OXR1: variants seen among roughly 807,000 people sequenced by gnomAD.
The protein encoded by OXR1 is oxidation resistance protein 1.
Under a neutral mutation model 104.6 loss-of-function variants are expected in OXR1, and 41 were observed. The observed-to-expected ratio is 0.39, with a 90% CI of 0.31 to 0.51. OXR1 has a LOEUF of 0.51. Ranked by LOEUF, OXR1 falls within the 20% of genes least tolerant of loss-of-function variation. OXR1 has a pLI of 0.77. For synonymous variants in OXR1, 348 were observed against 348.4 expected (o/e 1.00, Z 0.01); for missense variants, 955 against 1,031.9 (o/e 0.93, Z 1.02).
intron 9 of OXR1, among the ~76,000 whole-genome samples, chr8:106,710,323 T>C (rs2131392980): frequency 6.6e-6 from 1 of 151,826 alleles, no homozygotes; most frequent in Admixed American, 6.6e-5. Context: ...TATATATGAT[T>C]GCTTTAGTAT....
chr8:106,481,198 C>T (rs145141502), intron 2 of OXR1, among the ~76,000 whole-genome samples: 4 of 152,022 alleles, frequency 2.6e-5, no homozygotes, highest in South Asian at 4.1e-4. Flanking sequence ...ATAGTTGGGC[C>T]GTTGTCACAC....
intron 4 of OXR1, among the ~76,000 whole-genome samples, chr8:106,680,348 C>A (rs1250657722): frequency 6.6e-6 from 1 of 152,022 alleles, no homozygotes; most frequent in Non-Finnish European, 1.5e-5. Flanking sequence ...CTTTACAATT[C>A]TGCAGTGCCA....
chr8:106,661,948 C>T (rs1216863453), intron 3 of OXR1, among the ~76,000 whole-genome samples: 5 of 152,156 alleles, frequency 3.3e-5, no homozygotes, highest in Non-Finnish European at 4.4e-5. Context: ...TGCATTAACT[C>T]CTCTGATGTT....
intron 2 of OXR1, among the ~76,000 whole-genome samples, chr8:106,462,695 C>A (rs555774244): frequency 2.4e-3 from 364 of 152,140 alleles, no homozygotes; most frequent in African/African-American, 8.2e-3. Context: ...AAACATTTGC[C>A]AGAAAGCACT....
intron 3 of OXR1, among the ~76,000 whole-genome samples, chr8:106,633,192 A>G (rs555086366): frequency 6.6e-6 from 1 of 152,252 alleles, no homozygotes; most frequent in South Asian, 2.1e-4. Flanking sequence ...AGATTGCGCC[A>G]CTGCACTCCA....
chr8:106,659,263 C>T (rs1825500224), intron 3 of OXR1, among the ~76,000 whole-genome samples: 1 of 152,106 alleles, frequency 6.6e-6, no homozygotes, highest in Non-Finnish European at 1.5e-5. Context: ...TGGGCCCTGC[C>T]AGTTGTTTTA....
At chr8:106,613,517 T>C (rs902588582) in intron 3 of OXR1, among the ~76,000 whole-genome samples, 4 of 152,170 alleles carry the variant, frequency 2.6e-5, no homozygotes, top group Non-Finnish European at 4.4e-5. Flanking sequence ...TCCTACCTCA[T>C]TCTCCCAAGT....
chr8:106,668,454 A>G (rs530744663), intron 3 of OXR1, among the ~76,000 whole-genome samples: 24 of 152,310 alleles, frequency 1.6e-4, no homozygotes, highest in Admixed American at 9.8e-4. Flanking sequence ...ACATGTGTCT[A>G]TGTGGAATAA....
intron 11 of OXR1, chr8:106,726,385 T>A: frequency 1.2e-6 from 1 of 801,236 alleles, no homozygotes. Context: ...ATTATACAAT[T>A]TCTGAAAGTT....
chr8:106,423,672 T>A (rs764077611), intron 2 of OXR1, among the ~76,000 whole-genome samples: 10 of 152,110 alleles, frequency 6.6e-5, no homozygotes, highest in Non-Finnish European at 1.3e-4. Context: ...AGAGAAAAAA[T>A]TGGCTTGGTT....
chr8:106,325,909 G>A (rs2130198697), intron 1 of OXR1, among the ~76,000 whole-genome samples: 1 of 152,292 alleles, frequency 6.6e-6, no homozygotes, highest in South Asian at 2.1e-4. Context: ...TTGAGGATCT[G>A]AAGAAGAATA....
Position 106,706,700 on chromosome 8 carries a change from C to T in OXR1, c.1179C>T (p.His393=), listed in dbSNP as rs1333358073. The T allele has an allele frequency of 6.2e-7, 1 of 1,612,616 alleles. No homozygotes were observed. Among genetic ancestry groups the T allele is most frequent in the South Asian group, 1.1e-5 (1 of 90,762 alleles). ...VKSESTGTPG[H]LRSDTEHSTN... Reference sequence around the variant, plus strand: ...CAGAATCTACTGGTACTCCTGGTCACTTAAGATCTGATACTGAACATTCTA... The same window carrying T: ...CAGAATCTACTGGTACTCCTGGTCATTTAAGATCTGATACTGAACATTCTA... The change falls in exon 9 of 17, where the codon CAC becomes CAT. Residue 393 remains histidine (H), a synonymous_variant. Transcript: ENST00000517566.
chr8:106,670,473 C>T (rs1402480760), intron 3 of OXR1, among the ~76,000 whole-genome samples: 2 of 152,080 alleles, frequency 1.3e-5, no homozygotes, highest in Non-Finnish European at 2.9e-5. Context: ...TAGAAACAGG[C>T]CCACGGTAAC....
chr8:106,644,350 T>C (rs1586954673), intron 3 of OXR1, among the ~76,000 whole-genome samples: 1 of 152,190 alleles, frequency 6.6e-6, no homozygotes, highest in East Asian at 1.9e-4. Flanking sequence ...TATTAATATA[T>C]CATTAAAAAT....
chr8:106,546,355 A>G (rs918406455), intron 3 of OXR1, among the ~76,000 whole-genome samples: 1 of 152,196 alleles, frequency 6.6e-6, no homozygotes, highest in Non-Finnish European at 1.5e-5. Context: ...AGGATCTAAC[A>G]CAGTGGACTT....
chr8:106,340,081 G>A (rs1815177859), intron 1 of OXR1, among the ~76,000 whole-genome samples: 1 of 151,994 alleles, frequency 6.6e-6, no homozygotes, highest in African/African-American at 2.4e-5. Context: ...AAGCTCTTCT[G>A]TAGGCAAGCT....
intron 11 of OXR1, among the ~76,000 whole-genome samples, chr8:106,733,996 T>A: frequency 1.3e-5 from 1 of 79,028 alleles, no homozygotes; most frequent in East Asian, 3.1e-4. Context: ...TGGATTTTTT[T>A]TTTTTTTTTT....
intron 3 of OXR1, among the ~76,000 whole-genome samples, chr8:106,614,656 G>T (rs2130812638): frequency 6.6e-6 from 1 of 152,290 alleles, no homozygotes; most frequent in Middle Eastern, 3.4e-3. Flanking sequence ...AGTGACTTGA[G>T]TCTAGCTCCT....
At chr8:106,518,915 C>A (rs1411691919) in intron 2 of OXR1, 28 bp from the exon 3 acceptor site, 2 of 1,485,792 alleles carry the variant, frequency 1.3e-6, no homozygotes, top group Non-Finnish European at 9.1e-7. Context: ...AATCAGGATT[C>A]ATAGCATGTG....
Sources: gnomAD v4.1 joint callset for allele counts (sites outside exome capture counted in the v4.1 genomes callset) on GRCh38, gnomAD v4.1.1 for gene constraint, MANE v1.5 for transcripts, NCBI Gene and HGNC (gene_info 2026-07-23, HGNC 2026-07-21) for gene names.